The following COP1 variants were observed in gnomAD, a reference collection of about 807,000 sequenced individuals.
The protein encoded by COP1 is E3 ubiquitin-protein ligase COP1.
In COP1, 24 loss-of-function variants were observed where a neutral mutation model predicts 101.3. The observed-to-expected ratio is 0.24, with a 90% CI of 0.17 to 0.33. The LOEUF is 0.33. Among genes scored for constraint, COP1 ranks in the 10% least tolerant of loss-of-function variants. COP1 has a pLI of 1.00. For synonymous variants in COP1, 347 were observed against 341.9 expected, an observed-to-expected ratio of 1.01 and a Z score of -0.17; for missense variants, 663 against 906.2, an observed-to-expected ratio of 0.73 and a Z score of 3.45.
chr1:176,193,901 A>G (rs1350418944), intron 1 of COP1, among the ~76,000 whole-genome samples: 1 of 152,228 alleles, frequency 6.6e-6, no homozygotes, highest in South Asian at 2.1e-4. Flanking sequence ...CAACTGTACT[A>G]AAAACACAAC....
At chr1:176,135,175 C>T in intron 7 of COP1, 89 bp from the exon 8 acceptor site, 5 of 855,500 alleles carry the variant, frequency 5.8e-6, no homozygotes, top group Non-Finnish European at 9.1e-6. Flanking sequence ...CTTTCTATTC[C>T]CAGGTTTTCA....
intron 15 of COP1, among the ~76,000 whole-genome samples, chr1:175,992,610 G>C (rs555254337): frequency 1.4e-4 from 22 of 152,190 alleles, no homozygotes; most frequent in South Asian, 1.2e-3. Context: ...CACCTGGCTC[G>C]GAGGGTCCTA....
chr1:176,193,919 C>T (rs913833750), intron 1 of COP1, among the ~76,000 whole-genome samples: 4 of 152,058 alleles, frequency 2.6e-5, no homozygotes, highest in Non-Finnish European at 4.4e-5. Context: ...AACTTTAAAA[C>T]GGCGTATTTC....
At chr1:176,037,864 T>C (rs1369375799) in intron 14 of COP1, among the ~76,000 whole-genome samples, 3 of 152,300 alleles carry the variant, frequency 2.0e-5, no homozygotes, top group African/African-American at 7.2e-5. Flanking sequence ...GATTTCCCCC[T>C]AACATCAGGA....
At chr1:175,977,927 C>T (rs915344020) in intron 18 of COP1, among the ~76,000 whole-genome samples, 25 of 152,020 alleles carry the variant, frequency 1.6e-4, no homozygotes, top group African/African-American at 6.0e-4. Context: ...ATCCAATATT[C>T]ACTTTCCTTC....
chr1:176,131,140 G>A (rs560334308), intron 8 of COP1, among the ~76,000 whole-genome samples: 3 of 151,868 alleles, frequency 2.0e-5, no homozygotes, highest in East Asian at 1.9e-4. Context: ...AATAGGCTGG[G>A]GCTAGGCAAT....
At chr1:176,027,758 G>A in intron 14 of COP1, 70 bp from the exon 15 acceptor site, 1 of 924,614 alleles carries the variant, frequency 1.1e-6, no homozygotes, top group African/African-American at 1.6e-5. Context: ...CTGTAACTTG[G>A]GAAAGTTGGC....
At chr1:176,000,408 T>C (rs1304962317) in intron 15 of COP1, among the ~76,000 whole-genome samples, 4 of 152,122 alleles carry the variant, frequency 2.6e-5, no homozygotes, top group African/African-American at 4.8e-5. Flanking sequence ...GAGTTCACTG[T>C]AGGTGTGCTA....
At chr1:176,165,347 A>G (rs1694924063) in intron 3 of COP1, among the ~76,000 whole-genome samples, 2 of 148,678 alleles carry the variant, frequency 1.3e-5, no homozygotes, top group South Asian at 2.1e-4. Context: ...TGAGAGAGAG[A>G]GAGAGATGTG....
chr1:176,194,661 A>G (rs1699466313), intron 1 of COP1, among the ~76,000 whole-genome samples: 1 of 151,974 alleles, frequency 6.6e-6, no homozygotes, highest in South Asian at 2.1e-4. Context: ...ACAAAGGCAG[A>G]TTGTCATACT....
intron 18 of COP1, among the ~76,000 whole-genome samples, chr1:175,978,080 G>A (rs1654988987): frequency 2.6e-5 from 4 of 151,990 alleles, no homozygotes; most frequent in South Asian, 4.1e-4. Flanking sequence ...TTAGGATAAT[G>A]GCATAATTCA....
At chr1:175,959,126 G>A (rs754843843) in intron 18 of COP1, among the ~76,000 whole-genome samples, 4 of 151,732 alleles carry the variant, frequency 2.6e-5, no homozygotes, top group Admixed American at 1.3e-4. Flanking sequence ...ACCAAGTTGG[G>A]CTTATTCCAG....
At chr1:175,964,341 A>C (rs1651742831) in intron 18 of COP1, among the ~76,000 whole-genome samples, 1 of 152,192 alleles carries the variant, frequency 6.6e-6, no homozygotes, top group Non-Finnish European at 1.5e-5. Context: ...AAAACAAAAA[A>C]AAGCCAACAA....
intron 3 of COP1, among the ~76,000 whole-genome samples, chr1:176,173,754 G>C (rs11809835): frequency 1.3e-5 from 2 of 151,852 alleles, no homozygotes; most frequent in Non-Finnish European, 2.9e-5. Flanking sequence ...TTGGGAGGCT[G>C]AGGCGGGAGG....
chr1:176,072,087 A>G (rs1677109007), intron 11 of COP1, among the ~76,000 whole-genome samples: 1 of 152,240 alleles, frequency 6.6e-6, no homozygotes, highest in Non-Finnish European at 1.5e-5. Flanking sequence ...TTACCATAGA[A>G]GTAGAAAACT....
At chr1:176,187,697 CATTT>C (rs1417521865) in intron 1 of COP1, among the ~76,000 whole-genome samples, 3 of 152,094 alleles carry the variant, frequency 2.0e-5, no homozygotes, top group African/African-American at 7.2e-5. Context: ...ACAGGGATGA[CATTT>C]ATATCATAGA....
chr1:175,973,144 T>C (rs1476497091), intron 18 of COP1, among the ~76,000 whole-genome samples: 1 of 152,214 alleles, frequency 6.6e-6, no homozygotes, highest in African/African-American at 2.4e-5. Flanking sequence ...GCCTTATTTT[T>C]TTAACACTTT....
chr1:176,111,083 C>T (rs28549860), intron 9 of COP1, among the ~76,000 whole-genome samples: 15 of 152,004 alleles, frequency 9.9e-5, no homozygotes, highest in Non-Finnish European at 1.8e-4. Context: ...ACCCGGGAGG[C>T]GGAGGTTGCA....
At chr1:175,970,639 AT>A (rs1166126079) in intron 18 of COP1, among the ~76,000 whole-genome samples, 4 of 152,158 alleles carry the variant, frequency 2.6e-5, no homozygotes, top group South Asian at 2.1e-4. Flanking sequence ...ACCTTTGAGT[AT>A]TTTTTTCTAT....
Sources: allele counts gnomAD v4.1 joint callset (sites outside exome capture counted in the v4.1 genomes callset), GRCh38; gene constraint gnomAD v4.1.1; transcripts MANE v1.5; gene names NCBI Gene and HGNC (gene_info 2026-07-23, HGNC 2026-07-21).